EXOC6B: variants seen among roughly 807,000 people sequenced by gnomAD.
EXOC6B encodes the protein exocyst complex component 6B, also known as SEC15 homolog B.
Under a neutral mutation model 113.5 loss-of-function variants are expected in EXOC6B, and 54 were observed. That is an observed-to-expected ratio of 0.48 (90% CI 0.38 to 0.60). The LOEUF is 0.60. EXOC6B is among the 20% of genes least tolerant of loss of function. The pLI is 0.00. For missense variants in EXOC6B, 797 were observed against 977.5 expected, an observed-to-expected ratio of 0.82 and a Z score of 2.46; for synonymous variants, 357 against 339.0, an observed-to-expected ratio of 1.05 and a Z score of -0.58.
intron 16 of EXOC6B, among the ~76,000 whole-genome samples, chr2:72,484,903 C>A (rs1471800717): frequency 2.0e-5 from 3 of 152,160 alleles, no homozygotes; most frequent in Non-Finnish European, 4.4e-5. Context: ...CTGCAATAAA[C>A]ATATGTGTGC....
chr2:72,546,083 C>T (rs141904012), intron 8 of EXOC6B, among the ~76,000 whole-genome samples: 1 of 152,128 alleles, frequency 6.6e-6, no homozygotes, highest in African/African-American at 2.4e-5. Context: ...GTGGGAGAAC[C>T]ATGTTCTAGG....
intron 15 of EXOC6B, among the ~76,000 whole-genome samples, chr2:72,493,360 C>T (rs1699861443): frequency 7.8e-6 from 1 of 128,296 alleles, no homozygotes. Context: ...AAGCAATATT[C>T]TTTCCAGTCT....
chr2:72,814,978 G>A (rs574494697), intron 1 of EXOC6B, among the ~76,000 whole-genome samples: 3 of 152,300 alleles, frequency 2.0e-5, no homozygotes, highest in Admixed American at 6.5e-5. Flanking sequence ...GCGACAGAGC[G>A]AGACTCCGTC....
At chr2:72,650,820 G>A (rs1270863726) in intron 6 of EXOC6B, among the ~76,000 whole-genome samples, 1 of 150,702 alleles carries the variant, frequency 6.6e-6, no homozygotes, top group Non-Finnish European at 1.5e-5. Context: ...CAGATCCTTC[G>A]ACATAGCTGA....
chr2:72,817,264 T>A (rs1023448041), intron 1 of EXOC6B, among the ~76,000 whole-genome samples: 2 of 152,228 alleles, frequency 1.3e-5, no homozygotes, highest in Non-Finnish European at 2.9e-5. Context: ...ACAGGCTTTT[T>A]AAAAATTATT....
Position 72,496,579 on chromosome 2 carries a change from C to G in EXOC6B, c.1338-20G>C, listed in dbSNP as rs1700045977. Reference sequence around the variant, plus strand: ...ATGTTTCTATAAATGGAAGGATAGACAAAGGGAAGGGAAGGATAGACAAAG... The same window carrying G: ...ATGTTTCTATAAATGGAAGGATAGAGAAAGGGAAGGGAAGGATAGACAAAG... On this transcript the variant is annotated intron_variant, in intron 13 of 21. Coordinates refer to ENST00000272427, the MANE Select transcript of EXOC6B (RefSeq NM_015189.3). 1.7e-6 allele frequency: 2 copies of G among 1,208,152 alleles called. No homozygotes were observed. The highest frequency in any genetic ancestry group is 2.4e-6 in the Non-Finnish European group (2 of 851,058). 74.8% of individuals were successfully genotyped at this position (1,208,152 alleles called of 1,614,324 possible).
chr2:72,256,625 C>T (rs1385288701), intron 20 of EXOC6B, among the ~76,000 whole-genome samples: 1 of 152,140 alleles, frequency 6.6e-6, no homozygotes, highest in Non-Finnish European at 1.5e-5. Context: ...ACTGGCTGAT[C>T]ATCTGAATCG....
intron 1 of EXOC6B, among the ~76,000 whole-genome samples, chr2:72,765,419 TC>T (rs550505100): frequency 3.6e-4 from 55 of 152,196 alleles, no homozygotes; most frequent in Non-Finnish European, 6.5e-4. Flanking sequence ...AGGCCTATAA[TC>T]CCAGCACTTT....
At chr2:72,751,876 TAA>T (rs1183884308) in intron 1 of EXOC6B, among the ~76,000 whole-genome samples, 1 of 152,072 alleles carries the variant, frequency 6.6e-6, no homozygotes, top group Non-Finnish European at 1.5e-5. Context: ...ATCCTCAAAA[TAA>T]AAAGACATAA....
At chr2:72,802,475 G>A (rs773884820) in intron 1 of EXOC6B, among the ~76,000 whole-genome samples, 2 of 151,978 alleles carry the variant, frequency 1.3e-5, no homozygotes, top group South Asian at 2.1e-4. Flanking sequence ...GCTATATCAA[G>A]TATAAATTGA....
intron 18 of EXOC6B, among the ~76,000 whole-genome samples, chr2:72,453,684 G>A (rs1216717549): frequency 3.3e-5 from 5 of 152,064 alleles, no homozygotes; most frequent in African/African-American, 1.2e-4. Flanking sequence ...ACACAGTTAA[G>A]GTTTTTAATT....
chr2:72,692,638 G>A lies in EXOC6B; in HGVS notation c.669+25465C>T, dbSNP rs371283889. 5.8e-4 allele frequency among the ~76,000 whole-genome samples: 89 copies of A among 152,138 alleles called. No homozygotes were observed. In the South Asian group the frequency reaches 7.9e-3, roughly 13 times the overall value. Reference sequence around the variant, plus strand: ...AGTGCTGGAATTACAGCCGTGAGCCGCTGCGCCTGGCCTTTTTCACTATAT... The same window carrying A: ...AGTGCTGGAATTACAGCCGTGAGCCACTGCGCCTGGCCTTTTTCACTATAT... On this transcript the variant is annotated intron_variant, in intron 6 of 21. Transcript: ENST00000272427.
At chr2:72,567,632 T>TGGA (rs1704263323) in intron 7 of EXOC6B, among the ~76,000 whole-genome samples, 3 of 152,094 alleles carry the variant, frequency 2.0e-5, no homozygotes, top group Non-Finnish European at 4.4e-5. Flanking sequence ...TAGAACTCTC[T>TGGA]GAAGAAACGG....
chr2:72,185,971 C>A (rs1558994181), intron 20 of EXOC6B, among the ~76,000 whole-genome samples: 1 of 151,710 alleles, frequency 6.6e-6, no homozygotes, highest in East Asian at 1.9e-4. Flanking sequence ...CAATTCCCAC[C>A]TATGAGTGAG....
At chr2:72,342,720 G>C (rs1689102059) in intron 19 of EXOC6B, among the ~76,000 whole-genome samples, 1 of 152,096 alleles carries the variant, frequency 6.6e-6, no homozygotes, top group South Asian at 2.1e-4. Context: ...GACTGCTTGA[G>C]GCCAAGACCA....
chr2:72,220,801 G>C (rs2104424694), intron 20 of EXOC6B, among the ~76,000 whole-genome samples: 1 of 152,190 alleles, frequency 6.6e-6, no homozygotes, highest in East Asian at 1.9e-4. Context: ...ATGTTGTTCA[G>C]TTTTGTGACT....
intron 20 of EXOC6B, among the ~76,000 whole-genome samples, chr2:72,272,077 G>A (rs570111962): frequency 1.3e-5 from 2 of 152,274 alleles, no homozygotes; most frequent in South Asian, 4.1e-4. Flanking sequence ...AAAGGAGAAT[G>A]GATGTGAGTC....
chr2:72,322,710 G>A (rs905674490), intron 20 of EXOC6B, among the ~76,000 whole-genome samples: 7 of 152,014 alleles, frequency 4.6e-5, no homozygotes, highest in Admixed American at 3.3e-4. Context: ...TCTGATATTC[G>A]ACAAACCTGA....
chr2:72,772,954 C>T (rs1000803118), intron 1 of EXOC6B, among the ~76,000 whole-genome samples: 1 of 151,748 alleles, frequency 6.6e-6, no homozygotes, highest in African/African-American at 2.4e-5. Context: ...TGAAGATCTA[C>T]GAACTGTCTG....
Sources: gnomAD v4.1 joint callset for allele counts (sites outside exome capture counted in the v4.1 genomes callset) on GRCh38, gnomAD v4.1.1 for gene constraint, MANE v1.5 for transcripts, NCBI Gene and HGNC (gene_info 2026-07-23, HGNC 2026-07-21) for gene names.